Variants in ATP8B3 observed in about 807,000 individuals in gnomAD.
The protein encoded by ATP8B3 is ATPase phospholipid transporting 8B3.
Under a neutral mutation model 140.9 loss-of-function variants are expected in ATP8B3, and 141 were observed. That is an observed-to-expected ratio of 1.00 (90% CI 0.87 to 1.15). The LOEUF is 1.15. ATP8B3 is among the 50% of genes most tolerant of loss of function. The pLI is 0.00. For synonymous variants in ATP8B3, 765 were observed against 714.6 expected, an observed-to-expected ratio of 1.07 and a Z score of -1.13; for missense variants, 1,874 against 1,740.6, an observed-to-expected ratio of 1.08 and a Z score of -1.36.
chr19:1,799,532 G>C, intron 14 of ATP8B3: 1 of 366,294 alleles, frequency 2.7e-6, no homozygotes, highest in Non-Finnish European at 4.8e-6. Context: ...TTGGGAGGCC[G>C]AGGCAGGTGG....
At chr19:1,804,932 C>G (rs996221918) in intron 10 of ATP8B3, among the ~76,000 whole-genome samples, 4 of 152,268 alleles carry the variant, frequency 2.6e-5, no homozygotes, top group Admixed American at 6.5e-5. Flanking sequence ...AACAACCAAA[C>G]GTGACTGTGT....
chr19:1,796,366 G>T, intron 16 of ATP8B3, 101 bp from the exon 17 acceptor site: 1 of 1,172,656 alleles, frequency 8.5e-7, no homozygotes, highest in Non-Finnish European at 1.2e-6. Context: ...CACCTTTATT[G>T]ATGGTGGCCG....
In ATP8B3 at chr19:1,800,464, C is replaced by G; in HGVS notation, c.1153-15G>C. 1 of 1,605,246 alleles carries G rather than the reference C, an allele frequency of 6.2e-7. No homozygotes were observed. Among genetic ancestry groups the G allele is most frequent in the Non-Finnish European group, 8.5e-7 (1 of 1,175,406 alleles). On this transcript the variant is annotated splice_polypyrimidine_tract_variant and intron_variant, in intron 12 of 28. Coordinates refer to ENST00000310127, the MANE Select transcript of ATP8B3 (RefSeq NM_138813.4). The surrounding 1 kb of genome is among the most constrained non-coding windows in gnomAD (Gnocchi z 4.4). The stretch of plus-strand genomic sequence containing the variant: ...GAGATGAAGATCTGGAAGGCAGACG[C>G]GACAGGGTGGGTGAGGGGGGCGGGG...
intron 23 of ATP8B3, 86 bp from the exon 24 acceptor site, chr19:1,789,206 T>A (rs2068406100): frequency 6.5e-6 from 4 of 612,860 alleles, no homozygotes; most frequent in Non-Finnish European, 1.0e-5. Context: ...CTGCCCCCTA[T>A]CAGCCCCCCC....
rs915643179 is a variant in ATP8B3 at position 1,801,981 on chromosome 19, A to C, written c.1127T>G (p.Leu376Arg). Residue 376 changes from leucine (L) to arginine (R), a missense_variant, in exon 12 of 29, where the codon CTC (leucine) becomes CGC (arginine). Leu to Arg is a moderately radical substitution (Grantham distance 102, BLOSUM62 -2). Around this residue, in one of 3 missense-constraint regions of ATP8B3, gnomAD observed 1,032 missense variants for 963.6 expected, o/e 1.07. Coordinates refer to ENST00000310127, the MANE Select transcript of ATP8B3 (RefSeq NM_138813.4). Reference sequence around the variant, plus strand: ...CACAACCACCAGCTTGTTCATCAGGAGGTCCAGCTTGGTTCTCTTCAAATG... The same window carrying C: ...CACAACCACCAGCTTGTTCATCAGGCGGTCCAGCTTGGTTCTCTTCAAATG... Reference protein sequence around the residue: ...KIHLKRTKLDLLMNKLVVVIF... With the variant: ...KIHLKRTKLDRLMNKLVVVIF... 1 of 1,612,610 alleles carries C rather than the reference A, an allele frequency of 6.2e-7. No individual in the cohort carries two copies. The highest frequency in any genetic ancestry group is 8.5e-7 in the Non-Finnish European group (1 of 1,179,696).
Position 1,788,995 on chromosome 19 carries a change from C to A in ATP8B3, c.2971G>T (p.Val991Leu), listed in dbSNP as rs759022440. The A allele has an allele frequency of 1.9e-6, 3 of 1,610,440 alleles. No homozygotes were observed. The African/African-American group carries it at 4.0e-5, about 22-fold the overall frequency. The change falls in exon 24 of 29, where the codon GTG becomes TTG. Residue 991 changes from valine (V) to leucine (L), a missense_variant. This residue lies in a region of ATP8B3 where 840 missense variants were observed against 760.9 expected (regional missense o/e 1.10). Coordinates refer to ENST00000310127, the MANE Select transcript of ATP8B3 (RefSeq NM_138813.4). The part of the protein sequence containing the change: ...LLLVHGRWSY[V>L]RICKFLRYFF... ...TAGCGCAGGAACTTGCAGATCCGCA[C>A]GTAGGACCAGCGGCCGTGCACCAGC...
intron 25 of ATP8B3, 32 bp from the exon 26 acceptor site, chr19:1,785,740 TG>T (rs747764305): frequency 2.1e-5 from 20 of 959,866 alleles, no homozygotes; most frequent in Admixed American, 2.5e-5. Flanking sequence ...TGGGATTGGG[TG>T]GGGGGCGGGG....
chr19:1,783,717 G>A (rs1255407460), intron 28 of ATP8B3, among the ~76,000 whole-genome samples: 1 of 152,228 alleles, frequency 6.6e-6, no homozygotes, highest in African/African-American at 2.4e-5. Context: ...AAAGGTGGCA[G>A]GAGCTGGGCA....
chr19:1,811,831 G>T lies in ATP8B3; in HGVS notation c.-95C>A. 7.5e-7 allele frequency: 1 copy of T among 1,331,734 alleles called. No individual in the cohort carries two copies. Among genetic ancestry groups the T allele is most frequent in the Non-Finnish European group, 1.0e-6 (1 of 996,342 alleles). The allele number at this position is 1,331,734 out of a possible 1,614,324, so 82.5% of individuals were successfully genotyped here. On this transcript the variant is annotated 5_prime_UTR_variant, in exon 2 of 29. Transcript: ENST00000310127. ...GGAGACCCCCGTGGGGGCAGACTGG[G>T]GATTGGAGAGTTGGAGAGAATGCTC... is the stretch of plus-strand genomic sequence containing the variant.
At chr19:1,797,538 C>T (rs547127445) in intron 14 of ATP8B3, among the ~76,000 whole-genome samples, 45 of 151,636 alleles carry the variant, frequency 3.0e-4, no homozygotes, top group African/African-American at 9.2e-4. Flanking sequence ...CCTGCTCTGT[C>T]GCCCAGACTG....
At chr19:1,793,680 C>G (rs1313169104) in intron 18 of ATP8B3, among the ~76,000 whole-genome samples, 1 of 152,216 alleles carries the variant, frequency 6.6e-6, no homozygotes, top group Non-Finnish European at 1.5e-5. Flanking sequence ...ACCCCCCGAC[C>G]CTGCCCCCAG....
rs754031267 is a variant in ATP8B3, at chr19:1,809,636, C to T, written c.402+7G>A. 1.4e-5 allele frequency: 23 copies of T among 1,598,438 alleles called. No homozygotes were observed. The highest frequency in any genetic ancestry group is 3.4e-5 in the South Asian group (3 of 88,534). On this transcript the variant is annotated splice_region_variant and intron_variant, in intron 4 of 28. Coordinates refer to ENST00000310127, the MANE Select transcript of ATP8B3 (RefSeq NM_138813.4). ...TGGAGCAGGGAGGCGCGGGAGGGGC[C>T]GCCCACCTTGTATTTCTTCCTTTGC... is the stretch of plus-strand genomic sequence containing the variant.
chr19:1,805,512 C>T lies in ATP8B3; in HGVS notation c.822-56G>A, dbSNP rs952407000. 1.9e-5 allele frequency: 26 copies of T among 1,381,202 alleles called. No homozygotes were observed. The highest frequency in any genetic ancestry group is 2.5e-5 in the East Asian group (1 of 40,094). 85.6% of individuals were successfully genotyped at this position (1,381,202 alleles called of 1,614,324 possible). ...TGGAGTTGATGGATGCTTCGAGGAG[C>T]CCCCAGACCCCTTCTGGAGTCACTC... is the stretch of plus-strand genomic sequence containing the variant. On this transcript the variant is annotated intron_variant, in intron 9 of 28. Transcript: ENST00000310127. This position sits in a 1 kb window ranked among gnomAD's most constrained non-coding sequence, Gnocchi z 5.2.
At chr19:1,811,403 G>GC in intron 2 of ATP8B3, 86 bp downstream of exon 2, 3 of 1,493,620 alleles carry the variant, frequency 2.0e-6, no homozygotes, top group Non-Finnish European at 2.7e-6. Context: ...CCAGCAACTG[G>GC]CCCCCCACCT....
intron 11 of ATP8B3, 76 bp from the exon 12 acceptor site, chr19:1,802,120 C>T (rs2145198682): frequency 1.0e-6 from 1 of 985,780 alleles, no homozygotes; most frequent in Non-Finnish European, 1.4e-6. Flanking sequence ...CACCCATCCA[C>T]CCACTCCCCC....
At position 1,796,810 on chromosome 19, in the gene ATP8B3, G is replaced by A. The variant is rs1303896904; in HGVS notation, c.1654C>T (p.Leu552Phe). The change falls in exon 16 of 29, where the codon CTC (leucine) becomes TTC (phenylalanine). Residue 552 changes from leucine (L) to phenylalanine (F), a missense_variant. By Grantham distance (22) the Leu-to-Phe change is conservative. Transcript: ENST00000310127. The part of the protein sequence containing the change: ...LLFHNAALLH[L>F]VRTNGDEAVR... The stretch of plus-strand genomic sequence containing the variant: ...GCCTCGTCCCCGTTGGTCCGCACGA[G>A]GTGCAGCAGGGCCGCATTGTGGAAG... The A allele has an allele frequency of 1.1e-5, 17 of 1,612,578 alleles. No homozygotes were observed. The highest frequency in any genetic ancestry group is 1.4e-5 in the Non-Finnish European group (17 of 1,179,608).
rs1323852768 is a variant in ATP8B3, at chr19:1,805,448, T to C, written c.830A>G (p.Asn277Ser). 2 of 1,562,308 alleles carry C rather than the reference T, an allele frequency of 1.3e-6. No individual in the cohort carries two copies. The highest frequency in any genetic ancestry group is 1.2e-5 in the South Asian group (1 of 84,972). ...CATCAGGGCCTGTCTGAACTTCAAG[T>C]TGGTCTCCCTGGTGACGAGGAGAGG... Reference protein sequence around the residue: ...VETVDIDGETNLKFRQALMVT... With the variant: ...VETVDIDGETSLKFRQALMVT... Residue 277 changes from asparagine (N) to serine (S), a missense_variant, in exon 10 of 29, where the codon AAC becomes AGC. Asn to Ser is a conservative substitution (Grantham distance 46). This residue lies in a region of ATP8B3 where 1,032 missense variants were observed against 963.6 expected (regional missense o/e 1.07). Transcript: ENST00000310127. The surrounding 1 kb of genome is among the most constrained non-coding windows in gnomAD (Gnocchi z 5.2).
intron 18 of ATP8B3, among the ~76,000 whole-genome samples, chr19:1,793,284 A>C (rs1447951438): frequency 6.6e-6 from 1 of 151,674 alleles, no homozygotes; most frequent in Non-Finnish European, 1.5e-5. Flanking sequence ...TATATTTTTT[A>C]AATAGAGGTG....
At position 1,802,500 on chromosome 19, in the gene ATP8B3, C is replaced by T. The variant is rs1176732820; in HGVS notation, c.1050G>A (p.Leu350=). The change falls in exon 11 of 29, where the codon CTG becomes CTA. Residue 350 remains leucine (L), a synonymous_variant. Transcript: ENST00000310127. ...GAGCAGCCGTACCAGCATAAATGAC[C>T]AGTCCATAGCAGGTGTCTGTGTTGC... The part of the protein sequence containing the change: ...RIRNTDTCYG[L]VIYAGFDTKI... 7.0e-7 allele frequency: 1 copy of T among 1,432,148 alleles called. No individual in the cohort carries two copies. Among genetic ancestry groups the T allele is most frequent in the South Asian group, 1.1e-5 (1 of 88,268 alleles). The allele number at this position is 1,432,148 out of a possible 1,614,324, so 88.7% of individuals were successfully genotyped here. A position where few individuals can be genotyped will look rare whatever the true frequency, so the allele number is the denominator to read the frequency against.
Sources: gnomAD v4.1 joint callset for allele counts (sites outside exome capture counted in the v4.1 genomes callset) on GRCh38, gnomAD v4.1.1 for gene constraint, gnomAD v4.1.1 regional missense constraint, Gnocchi (gnomAD v3.1) non-coding constraint, MANE v1.5 for transcripts, NCBI Gene and HGNC (gene_info 2026-07-23, HGNC 2026-07-21) for gene names.